Variants in CACNA2D1 observed in about 807,000 individuals in gnomAD.
CACNA2D1 encodes calcium voltage-gated channel auxiliary subunit alpha2delta 1.
Under a neutral mutation model 171.5 loss-of-function variants are expected in CACNA2D1, and 53 were observed. The observed-to-expected ratio is 0.31, with a 90% confidence interval of 0.25 to 0.39. CACNA2D1 has a LOEUF of 0.39. Among genes scored for constraint, CACNA2D1 ranks in the 10% least tolerant of loss-of-function variants. CACNA2D1 has a pLI of 1.00. For synonymous variants in CACNA2D1, 442 were observed against 443.1 expected (o/e 1.00, Z 0.03); for missense variants, 903 against 1,299.8 (o/e 0.69, Z 4.69).
At chr7:81,951,368 A>G (rs1284122963) in intron 38 of CACNA2D1, among the ~76,000 whole-genome samples, 2 of 152,012 alleles carry the variant, frequency 1.3e-5, no homozygotes, top group African/African-American at 2.4e-5. Flanking sequence ...TTTTATTTCA[A>G]TAGATTTTGG....
At chr7:82,350,430 C>G (rs773872392) in intron 1 of CACNA2D1, among the ~76,000 whole-genome samples, 1 of 152,072 alleles carries the variant, frequency 6.6e-6, no homozygotes, top group Admixed American at 6.6e-5. Flanking sequence ...CTTTGGGAGG[C>G]CGAGGCAGGT....
intron 26 of CACNA2D1, among the ~76,000 whole-genome samples, chr7:81,971,331 C>T (rs532366520): frequency 6.6e-6 from 1 of 151,464 alleles, no homozygotes; most frequent in East Asian, 1.9e-4. Flanking sequence ...GATCTTAGGG[C>T]CTTCATTATG....
At chr7:82,066,170 T>C (rs1162043385) in intron 8 of CACNA2D1, among the ~76,000 whole-genome samples, 2 of 152,110 alleles carry the variant, frequency 1.3e-5, no homozygotes, top group African/African-American at 4.8e-5. Context: ...ATCCCTGCCA[T>C]AGAAATCCAT....
intron 10 of CACNA2D1, among the ~76,000 whole-genome samples, chr7:82,051,844 T>A (rs1411916654): frequency 6.6e-6 from 1 of 152,146 alleles, no homozygotes; most frequent in Non-Finnish European, 1.5e-5. Flanking sequence ...CTGACTCCTA[T>A]CAAAGCATAT....
At chr7:82,257,845 C>T (rs1301754254) in intron 3 of CACNA2D1, among the ~76,000 whole-genome samples, 1 of 152,118 alleles carries the variant, frequency 6.6e-6, no homozygotes, top group Non-Finnish European at 1.5e-5. Context: ...AAAAAGACTA[C>T]AGGTTTTAAT....
intron 3 of CACNA2D1, among the ~76,000 whole-genome samples, chr7:82,291,553 AT>A (rs1811610227): frequency 7.1e-6 from 1 of 139,886 alleles, no homozygotes; most frequent in Admixed American, 7.5e-5. Context: ...ATAGATATAT[AT>A]AAATATATAT....
intron 3 of CACNA2D1, among the ~76,000 whole-genome samples, chr7:82,218,658 T>C (rs1343952545): frequency 6.6e-6 from 1 of 152,158 alleles, no homozygotes; most frequent in Non-Finnish European, 1.5e-5. Flanking sequence ...TGACTAAAAA[T>C]TTCTTTTCTC....
intron 1 of CACNA2D1, among the ~76,000 whole-genome samples, chr7:82,419,109 CAA>C (rs370697144): frequency 2.8e-4 from 27 of 98,130 alleles, no homozygotes; most frequent in Admixed American, 2.1e-4. Flanking sequence ...GACTCCATCT[CAA>C]AAAAAAAAAA....
intron 2 of CACNA2D1, among the ~76,000 whole-genome samples, chr7:82,340,744 T>C (rs1203524038): frequency 6.6e-6 from 1 of 152,200 alleles, no homozygotes; most frequent in African/African-American, 2.4e-5. Context: ...TGTGAGGTTC[T>C]AAGAAGAAAG....
chr7:81,961,559 ATGGGT>A (rs1270723556), intron 36 of CACNA2D1, among the ~76,000 whole-genome samples: 23 of 151,582 alleles, frequency 1.5e-4, no homozygotes, highest in Non-Finnish European at 3.4e-4. Context: ...AATTTTTAAT[ATGGGT>A]TATTTTAGGA....
chr7:82,137,528 A>G (rs1400872594), intron 4 of CACNA2D1, among the ~76,000 whole-genome samples: 1 of 152,048 alleles, frequency 6.6e-6, no homozygotes, highest in Non-Finnish European at 1.5e-5. Flanking sequence ...ACTCACTACG[A>G]TGTGAACACA....
At chr7:82,051,127 G>T in intron 10 of CACNA2D1, 1 of 154,358 alleles carries the variant, frequency 6.5e-6, no homozygotes, top group Admixed American at 6.2e-5. Flanking sequence ...GGGAAGCAAA[G>T]ACTTTTACAA....
chr7:82,086,388 T>G (rs1241841730), intron 6 of CACNA2D1, among the ~76,000 whole-genome samples: 1 of 152,224 alleles, frequency 6.6e-6, no homozygotes, highest in African/African-American at 2.4e-5. Context: ...TTCATCTTTA[T>G]GGATGCGATT....
intron 4 of CACNA2D1, among the ~76,000 whole-genome samples, chr7:82,149,957 T>C (rs1222934593): frequency 4.0e-5 from 6 of 151,766 alleles, no homozygotes; most frequent in Non-Finnish European, 8.8e-5. Flanking sequence ...AGTATGTGCG[T>C]GTCTCTGTGT....
chr7:81,971,032 G>A, intron 26 of CACNA2D1: 1 of 330,484 alleles, frequency 3.0e-6, no homozygotes, highest in South Asian at 3.7e-5. Flanking sequence ...TATACATAAG[G>A]GAAAGCTACC....
rs2067170 is a variant in CACNA2D1, at chr7:82,136,546, C to CTTAAAAACT, written c.396+88_396+89insAGTTTTTAA. On this transcript the variant is annotated intron_variant, in intron 5 of 38. Coordinates refer to ENST00000356860, the MANE Select transcript of CACNA2D1 (RefSeq NM_000722.4). The stretch of plus-strand genomic sequence containing the variant: ...ATGCAGTCTAACATTGTCTTAAAAA[C>CTTAAAAACT]TAAAACTGCTAGCTCAATTTATTCT... 78,728 of 1,009,508 alleles carry CTTAAAAACT rather than the reference C, an allele frequency of 0.078. 3,817 individuals carry two copies. Among genetic ancestry groups the CTTAAAAACT allele is most frequent in the African/African-American group, 0.17 (10,608 of 61,048 alleles). 62.5% of individuals were successfully genotyped at this position (1,009,508 alleles called of 1,614,324 possible).
At chr7:82,074,226 T>C (rs1195029452) in intron 7 of CACNA2D1, among the ~76,000 whole-genome samples, 2 of 152,088 alleles carry the variant, frequency 1.3e-5, no homozygotes, top group Non-Finnish European at 2.9e-5. Flanking sequence ...ACATCACTTT[T>C]ATTACTTTTT....
intron 21 of CACNA2D1, among the ~76,000 whole-genome samples, chr7:81,989,014 G>A (rs539937468): frequency 5.3e-5 from 8 of 152,174 alleles, no homozygotes; most frequent in Non-Finnish European, 1.2e-4. Context: ...TAGGATCGTT[G>A]GAGAAGGCCT....
At chr7:81,952,114 C>T (rs1478664897) in intron 38 of CACNA2D1, among the ~76,000 whole-genome samples, 1 of 150,822 alleles carries the variant, frequency 6.6e-6, no homozygotes, top group Admixed American at 6.6e-5. Flanking sequence ...TATGTTTTGG[C>T]CATTTGTATA....
Sources: allele counts gnomAD v4.1 joint callset (sites outside exome capture counted in the v4.1 genomes callset), GRCh38; gene constraint gnomAD v4.1.1; transcripts MANE v1.5; gene names NCBI Gene and HGNC (gene_info 2026-07-23, HGNC 2026-07-21).